The following IKZF2 variants were observed in gnomAD, a reference collection of about 807,000 sequenced individuals.
The protein encoded by IKZF2 is zinc finger protein Helios.
In IKZF2, 15 loss-of-function variants were observed where a neutral mutation model predicts 49.2. That is an observed-to-expected ratio of 0.30 (90% CI 0.20 to 0.47). IKZF2 has a LOEUF of 0.47. Ranked by LOEUF, IKZF2 falls within the 20% of genes least tolerant of loss-of-function variation. The pLI, the probability that IKZF2 is intolerant of heterozygous loss-of-function variation, is 1.00. For missense variants in IKZF2, 567 were observed against 664.6 expected (o/e 0.85, Z 1.61); for synonymous variants, 227 against 221.4 (o/e 1.03, Z -0.23).
rs1179484095 is a variant in IKZF2 at position 213,003,510 on chromosome 2, A to T, written c.*3850T>A. 1 of 151,718 alleles carries T rather than the reference A, an allele frequency of 6.6e-6. No individual in the cohort carries two copies. The highest frequency in any genetic ancestry group is 2.4e-5 in the African/African-American group (1 of 41,404). The allele number at this position is 151,718 out of a possible 1,614,324, so 9.4% of individuals were successfully genotyped here. On this transcript the variant is annotated 3_prime_UTR_variant, in exon 9 of 9. Transcript: ENST00000434687. The stretch of plus-strand genomic sequence containing the variant: ...ACAATCCAAAGTTAAAAAACAAATC[A>T]TGTAGCTAGTACCTCTGACAGTTTA...
At chr2:213,008,164 G>T (rs934823842) in intron 8 of IKZF2, 80 bp from the exon 9 acceptor site, 26 of 1,436,734 alleles carry the variant, frequency 1.8e-5, no homozygotes, top group Non-Finnish European at 7.4e-6. Flanking sequence ...AAATATGAAA[G>T]GGTACGAAGT....
At chr2:213,147,850 TTG>T (rs776700458) in intron 3 of IKZF2, 38 bp from the exon 4 acceptor site, 71 of 1,476,852 alleles carry the variant, frequency 4.8e-5, no homozygotes, top group Non-Finnish European at 6.5e-5. Flanking sequence ...TTTCTATTCA[TTG>T]TCACATAAGA....
At chr2:213,045,769 G>A (rs1012076458) in intron 6 of IKZF2, among the ~76,000 whole-genome samples, 10 of 152,228 alleles carry the variant, frequency 6.6e-5, no homozygotes, top group South Asian at 2.1e-4. Flanking sequence ...ACCTTCCTTC[G>A]TGAAAATGAA....
In IKZF2 at chr2:213,043,714, G is replaced by A. The variant is rs574561075; in HGVS notation, c.574+5999C>T. ...CACACCAAGTAGGTCCCTTGCATGCGCAGTTCACAATAGGGTGCGTGCCTA... is the reference window on the plus strand; with the variant it reads ...CACACCAAGTAGGTCCCTTGCATGCACAGTTCACAATAGGGTGCGTGCCTA... On this transcript the variant is annotated intron_variant, in intron 6 of 8. Transcript: ENST00000434687. Among the ~76,000 whole-genome samples the A allele has an allele frequency of 1.2e-4, 19 of 152,238 alleles. No homozygotes were observed. The South Asian group carries it at 2.1e-3, about 17-fold the overall frequency.
At chr2:213,092,390 A>G (rs941690268) in intron 4 of IKZF2, among the ~76,000 whole-genome samples, 10 of 152,174 alleles carry the variant, frequency 6.6e-5, no homozygotes, top group African/African-American at 2.4e-4. Flanking sequence ...ATGTACAGTT[A>G]TGGTCATATT....
chr2:213,110,411 T>A (rs546318403), intron 4 of IKZF2, among the ~76,000 whole-genome samples: 1 of 151,724 alleles, frequency 6.6e-6, no homozygotes, highest in African/African-American at 2.4e-5. Flanking sequence ...ATTTCTGGGG[T>A]TTTTTTTACC....
chr2:213,034,047 G>A (rs1698757025), intron 6 of IKZF2, among the ~76,000 whole-genome samples: 1 of 152,228 alleles, frequency 6.6e-6, no homozygotes, highest in Admixed American at 6.5e-5. Flanking sequence ...GCACTTTTAT[G>A]TTATAGAGAT....
At chr2:213,133,367 A>T (rs1234752566) in intron 4 of IKZF2, among the ~76,000 whole-genome samples, 1 of 152,312 alleles carries the variant, frequency 6.6e-6, no homozygotes, top group African/African-American at 2.4e-5. Context: ...GACATATATT[A>T]GGTCCCACTT....
chr2:213,011,788 A>G (rs1196853818), intron 8 of IKZF2, among the ~76,000 whole-genome samples: 2 of 91,474 alleles, frequency 2.2e-5, no homozygotes, highest in East Asian at 3.9e-4. Flanking sequence ...AATTTTCTCC[A>G]AAAGTACCAG....
chr2:213,096,372 T>G (rs1705999147), intron 4 of IKZF2, among the ~76,000 whole-genome samples: 1 of 151,956 alleles, frequency 6.6e-6, no homozygotes. Context: ...TTTACAGAGA[T>G]ATTTAAACCA....
intron 6 of IKZF2, among the ~76,000 whole-genome samples, chr2:213,027,044 G>A (rs1011310467): frequency 6.6e-5 from 10 of 151,892 alleles, no homozygotes; most frequent in African/African-American, 2.4e-4. Context: ...TGCCCTACCT[G>A]CCCCCAAGCA....
At chr2:213,083,602 A>G (rs1000436842) in intron 4 of IKZF2, among the ~76,000 whole-genome samples, 35 of 115,292 alleles carry the variant, frequency 3.0e-4, no homozygotes, top group African/African-American at 1.2e-3. Context: ...GAGTTTCTCT[A>G]TGTTGGTCAG....
chr2:213,030,123 C>T (rs1471778225), intron 6 of IKZF2, among the ~76,000 whole-genome samples: 1 of 151,934 alleles, frequency 6.6e-6, no homozygotes, highest in African/African-American at 2.4e-5. Flanking sequence ...ACCTATTTGA[C>T]TTATGCTTTT....
chr2:213,009,064 A>G (rs1298001520), intron 8 of IKZF2, among the ~76,000 whole-genome samples: 1 of 152,082 alleles, frequency 6.6e-6, no homozygotes, highest in African/African-American at 2.4e-5. Flanking sequence ...GCTTCTTGAA[A>G]TTAATATTCA....
At chr2:213,036,839 C>T (rs1054874069) in intron 6 of IKZF2, among the ~76,000 whole-genome samples, 4 of 152,144 alleles carry the variant, frequency 2.6e-5, no homozygotes, top group African/African-American at 9.7e-5. Flanking sequence ...ATAGTATAGG[C>T]TGTGGATGAA....
At chr2:213,125,216 A>T (rs2125859973) in intron 4 of IKZF2, among the ~76,000 whole-genome samples, 1 of 152,332 alleles carries the variant, frequency 6.6e-6, no homozygotes, top group East Asian at 1.9e-4. Flanking sequence ...CTTAACATCA[A>T]ATCATCCATT....
chr2:213,069,674 G>A (rs1396398623), intron 4 of IKZF2, among the ~76,000 whole-genome samples: 18 of 152,196 alleles, frequency 1.2e-4, no homozygotes, highest in Middle Eastern at 6.8e-3. Context: ...TCTCCAGGAA[G>A]GTCCAAATGA....
chr2:213,140,911 A>G (rs1453931423), intron 4 of IKZF2, among the ~76,000 whole-genome samples: 3 of 152,046 alleles, frequency 2.0e-5, no homozygotes, highest in Non-Finnish European at 2.9e-5. Context: ...TAACCAAACC[A>G]TGGGCTAATA....
intron 6 of IKZF2, among the ~76,000 whole-genome samples, chr2:213,024,227 C>A (rs1697544547): frequency 6.6e-6 from 1 of 152,140 alleles, no homozygotes. Flanking sequence ...ATTCCAGCAA[C>A]CCAATTATTA....
Sources: gnomAD v4.1 joint callset for allele counts (sites outside exome capture counted in the v4.1 genomes callset) on GRCh38, gnomAD v4.1.1 for gene constraint, MANE v1.5 for transcripts, NCBI Gene and HGNC (gene_info 2026-07-23, HGNC 2026-07-21) for gene names.